ANO10: variants seen among roughly 807,000 people sequenced by gnomAD.
ANO10 encodes the protein anoctamin-10.
A neutral mutation model predicts 74.7 loss-of-function variants in ANO10; 77 were observed. That is an observed-to-expected ratio of 1.03 (90% confidence interval 0.86 to 1.25). ANO10 has a LOEUF of 1.25. Ranked by LOEUF, ANO10 falls within the 50% of genes most tolerant of loss-of-function variation. ANO10 has a pLI of 0.00. For missense variants in ANO10, 721 were observed against 778.1 expected (o/e 0.93, Z 0.87); for synonymous variants, 279 against 284.9 (o/e 0.98, Z 0.21).
chr3:43,466,243 T>C (rs760702323), intron 11 of ANO10, among the ~76,000 whole-genome samples: 1 of 151,178 alleles, frequency 6.6e-6, no homozygotes, highest in Non-Finnish European at 1.5e-5. Context: ...TGGTGGTGCG[T>C]GCCGGTAGTT....
intron 12 of ANO10, among the ~76,000 whole-genome samples, chr3:43,427,071 G>A (rs2092909818): frequency 6.6e-6 from 1 of 152,162 alleles, no homozygotes; most frequent in Non-Finnish European, 1.5e-5. Context: ...ATCACTTGAT[G>A]TGCTGGTTTA....
At chr3:43,571,066 C>CA (rs1475122885) in intron 7 of ANO10, among the ~76,000 whole-genome samples, 1 of 151,558 alleles carries the variant, frequency 6.6e-6, no homozygotes, top group African/African-American at 2.4e-5. Flanking sequence ...TTTACGCAGC[C>CA]AAAAAACACA....
At chr3:43,585,368 A>AAG (rs2081430637) in intron 4 of ANO10, among the ~76,000 whole-genome samples, 1 of 152,110 alleles carries the variant, frequency 6.6e-6, no homozygotes, top group Non-Finnish European at 1.5e-5. Context: ...AGGAAAAAAA[A>AAG]CAACCTTTGT....
chr3:43,531,363 C>A (rs895235103), intron 11 of ANO10, among the ~76,000 whole-genome samples: 1 of 152,092 alleles, frequency 6.6e-6, no homozygotes, highest in Non-Finnish European at 1.5e-5. Context: ...ATTATTCCAG[C>A]TTTTTCAAAT....
rs534974193 is a variant in ANO10 at position 43,632,401 on chromosome 3, G to A, written c.-11-26538C>T. Among the ~76,000 whole-genome samples the A allele has an allele frequency of 3.0e-3, 463 of 152,342 alleles. 2 individuals carry two copies. Among genetic ancestry groups the A allele is most frequent in the Middle Eastern group, 0.014 (4 of 294 alleles). ...CCTCTGTGCTGAGTCATGGCAAGCT[G>A]GCCATGTCCCTCAGTGGAAGGCCAT... is the stretch of plus-strand genomic sequence containing the variant. On this transcript the variant is annotated intron_variant, in intron 1 of 3. Coordinates refer to the ANO10 transcript ENST00000413397.
intron 5 of ANO10, among the ~76,000 whole-genome samples, chr3:43,579,889 T>G (rs571371846): frequency 7.2e-5 from 11 of 151,946 alleles, no homozygotes; most frequent in Non-Finnish European, 1.6e-4. Flanking sequence ...GCACAATAGC[T>G]CAGACCCATA....
chr3:43,688,131 A>G (rs2084298001), intron 1 of ANO10, among the ~76,000 whole-genome samples: 1 of 152,160 alleles, frequency 6.6e-6, no homozygotes, highest in Admixed American at 6.5e-5. Flanking sequence ...AAACTCTAGT[A>G]TTGGATCAAT....
chr3:43,690,829 G>C (rs1380934694), intron 1 of ANO10: 1 of 599,160 alleles, frequency 1.7e-6, no homozygotes, highest in Non-Finnish European at 2.6e-6. Context: ...CGGAGGCAAG[G>C]CCGCGCACGC....
rs1372832628 is a variant in ANO10 at position 43,652,116 on chromosome 3, C to T, written c.-12+39401G>A. On this transcript the variant is annotated intron_variant, in intron 1 of 3. Coordinates refer to the ANO10 transcript ENST00000413397. ...TGCAATCTATCAGAATCTTGGCCGC[C>T]TTTTTTTTTTTTCAGAAATTGATAA... is the stretch of plus-strand genomic sequence containing the variant. Among the ~76,000 whole-genome samples the T allele has an allele frequency of 9.0e-3, 1,274 of 142,098 alleles. 64 individuals are homozygous for T. Among genetic ancestry groups the T allele is most frequent in the Admixed American group, 0.079 (1,119 of 14,238 alleles). 93.2% of individuals were successfully genotyped at this position (142,098 alleles called of 152,430 possible). A position where few individuals can be genotyped will look rare whatever the true frequency, so the allele number is the denominator to read the frequency against.
At chr3:43,415,263 C>T (rs1422259170) in intron 12 of ANO10, among the ~76,000 whole-genome samples, 4 of 151,926 alleles carry the variant, frequency 2.6e-5, no homozygotes, top group Non-Finnish European at 5.9e-5. Flanking sequence ...AGGTGTAAGC[C>T]ACCGTGCCCG....
At chr3:43,689,758 G>A (rs1035393395) in intron 1 of ANO10, among the ~76,000 whole-genome samples, 3 of 152,168 alleles carry the variant, frequency 2.0e-5, no homozygotes, top group Admixed American at 6.5e-5. Context: ...GCTCAGAGGA[G>A]AGAAAAAGAG....
chr3:43,652,403 G>A (rs2083797917), intron 1 of ANO10, among the ~76,000 whole-genome samples: 1 of 151,882 alleles, frequency 6.6e-6, no homozygotes, highest in African/African-American at 2.4e-5. Flanking sequence ...AATTTGATGA[G>A]AGAAAGAACA....
At chr3:43,574,426 A>T (rs2080899499) in intron 7 of ANO10, among the ~76,000 whole-genome samples, 2 of 151,590 alleles carry the variant, frequency 1.3e-5, no homozygotes, top group African/African-American at 4.8e-5. Context: ...CTGCGTCATC[A>T]TAGCCAGCTA....
intron 11 of ANO10, among the ~76,000 whole-genome samples, chr3:43,534,639 C>G (rs2078625423): frequency 6.6e-6 from 1 of 152,212 alleles, no homozygotes; most frequent in Non-Finnish European, 1.5e-5. Flanking sequence ...TGAAAGCCAC[C>G]TCTCTGCAGA....
intron 12 of ANO10, chr3:43,424,501 G>C (rs1007038181): frequency 6.6e-6 from 1 of 152,256 alleles, no homozygotes; most frequent in Non-Finnish European, 1.5e-5. Context: ...ATCTAAGATC[G>C]GTCTTTTAAA....
At chr3:43,676,382 C>T (rs1384498158) in intron 1 of ANO10, among the ~76,000 whole-genome samples, 1 of 151,960 alleles carries the variant, frequency 6.6e-6, no homozygotes, top group East Asian at 1.9e-4. Flanking sequence ...ATTGTTTAAG[C>T]ATAGATGATC....
chr3:43,372,948 G>T, intron 12 of ANO10: 1 of 1,192,436 alleles, frequency 8.4e-7, no homozygotes, highest in Non-Finnish European at 1.2e-6. Flanking sequence ...AAAGAGAAAA[G>T]CCTCTTTTCT....
chr3:43,609,224 C>G (rs1328934397), intron 1 of ANO10, among the ~76,000 whole-genome samples: 1 of 152,098 alleles, frequency 6.6e-6, no homozygotes, highest in Non-Finnish European at 1.5e-5. Context: ...AAAATAGAGT[C>G]ATTAGAGATA....
intron 11 of ANO10, among the ~76,000 whole-genome samples, chr3:43,478,127 A>G (rs2076143602): frequency 6.6e-6 from 1 of 152,208 alleles, no homozygotes. Context: ...GAAACTGAGG[A>G]TCAGAGAGGT....
Sources: allele counts gnomAD v4.1 joint callset (sites outside exome capture counted in the v4.1 genomes callset), GRCh38; gene constraint gnomAD v4.1.1; transcripts MANE v1.5; gene names NCBI Gene and HGNC (gene_info 2026-07-23, HGNC 2026-07-21).